The following SLC24A2 variants were observed in gnomAD, a reference collection of about 807,000 sequenced individuals.
SLC24A2 encodes sodium/potassium/calcium exchanger 2.
Under a neutral mutation model 62.0 loss-of-function variants are expected in SLC24A2, and 36 were observed. That is an observed-to-expected ratio of 0.58 (90% CI 0.44 to 0.77). The LOEUF (loss-of-function observed/expected upper bound fraction) is 0.77, where lower values mean the gene tolerates loss of function less well. SLC24A2 is among the 30% of genes least tolerant of loss of function. The pLI is 0.00. For synonymous variants in SLC24A2, 358 were observed against 294.0 expected (o/e 1.22, Z -2.23); for missense variants, 846 against 817.9 (o/e 1.03, Z -0.42).
At chr9:20,216,968 G>C in the SLC24A2 span, among the ~76,000 whole-genome samples, 1 of 152,068 alleles carries the variant, frequency 6.6e-6, no homozygotes, top group Non-Finnish European at 1.5e-5. Flanking sequence ...TGTCCCAAAA[G>C]ACTCTTAAAA....
chr9:20,241,360 T>C, the SLC24A2 span, among the ~76,000 whole-genome samples: 1 of 152,136 alleles, frequency 6.6e-6, no homozygotes, highest in Non-Finnish European at 1.5e-5. Context: ...TTGTTGAGGG[T>C]CCACTAGGGA....
intron 2 of SLC24A2, among the ~76,000 whole-genome samples, chr9:19,652,195 G>C (rs976588876): frequency 6.6e-6 from 1 of 152,158 alleles, no homozygotes; most frequent in Non-Finnish European, 1.5e-5. Flanking sequence ...TGGAGGTAGG[G>C]TACTTCCTCT....
At chr9:19,661,267 T>C (rs1819091808) in intron 2 of SLC24A2, among the ~76,000 whole-genome samples, 1 of 152,154 alleles carries the variant, frequency 6.6e-6, no homozygotes, top group African/African-American at 2.4e-5. Context: ...ATTCCCATAT[T>C]AACATATTTT....
chr9:19,515,287 C>T lies in SLC24A2; in HGVS notation c.*866G>A, dbSNP rs1832881267. On this transcript the variant is annotated 3_prime_UTR_variant, in exon 11 of 11. Coordinates refer to ENST00000341998, the MANE Select transcript of SLC24A2 (RefSeq NM_020344.4). ...AACCCTGGTTACCTCCCCACTTCCC[C>T]AAACCAAGCCACCCAGCCTGGGTTT... 6.6e-6 allele frequency: 1 copy of T among 152,162 alleles called. No individual in the cohort carries two copies. The highest frequency in any genetic ancestry group is 2.1e-4 in the South Asian group (1 of 4,818). The allele number at this position is 152,162 out of a possible 1,614,324, so 9.4% of individuals were successfully genotyped here.
At chr9:19,559,138 GTTAC>G (rs1259445981) in intron 7 of SLC24A2, among the ~76,000 whole-genome samples, 1 of 152,080 alleles carries the variant, frequency 6.6e-6, no homozygotes, top group Non-Finnish European at 1.5e-5. Flanking sequence ...TCAAACAAAT[GTTAC>G]TTAATTAAAG....
chr9:19,518,428 T>C (rs1177805109), intron 10 of SLC24A2, among the ~76,000 whole-genome samples: 9 of 149,574 alleles, frequency 6.0e-5, no homozygotes. Flanking sequence ...TTCTTTTCTT[T>C]TTTTTTTTTT....
chr9:20,253,048 G>A, the SLC24A2 span, among the ~76,000 whole-genome samples: 9 of 152,286 alleles, frequency 5.9e-5, no homozygotes, highest in Non-Finnish European at 1.0e-4. Context: ...TAGAAACAAG[G>A]CACCCACTTT....
the SLC24A2 span, among the ~76,000 whole-genome samples, chr9:19,849,198 G>C: frequency 6.6e-6 from 1 of 152,164 alleles, no homozygotes; most frequent in East Asian, 1.9e-4. Context: ...ATTAGATAAA[G>C]TCAGTGAATG....
chr9:20,108,394 C>T, the SLC24A2 span, among the ~76,000 whole-genome samples: 2 of 152,096 alleles, frequency 1.3e-5, no homozygotes, highest in Non-Finnish European at 2.9e-5. Flanking sequence ...AAGACACATG[C>T]ACACGTATGT....
intron 3 of SLC24A2, among the ~76,000 whole-genome samples, chr9:19,621,646 T>C (rs1306941586): frequency 6.6e-6 from 1 of 152,198 alleles, no homozygotes; most frequent in Non-Finnish European, 1.5e-5. Context: ...ATCTGAAATG[T>C]GATGTGTTAA....
the SLC24A2 span, among the ~76,000 whole-genome samples, chr9:20,033,461 T>G: frequency 7.1e-6 from 1 of 141,688 alleles, no homozygotes; most frequent in Non-Finnish European, 1.5e-5. Flanking sequence ...TCTTAAGAAA[T>G]GTTTGTGACT....
chr9:19,824,046 T>TA, the SLC24A2 span, among the ~76,000 whole-genome samples: 1 of 152,124 alleles, frequency 6.6e-6, no homozygotes, highest in Non-Finnish European at 1.5e-5. Context: ...GACTTAAATG[T>TA]AAAATCTAAA....
chr9:19,691,276 G>C (rs1401118487), intron 2 of SLC24A2, among the ~76,000 whole-genome samples: 1 of 152,192 alleles, frequency 6.6e-6, no homozygotes, highest in African/African-American at 2.4e-5. Context: ...ATTGAACAAT[G>C]CACAGTGTAG....
intron 7 of SLC24A2, among the ~76,000 whole-genome samples, chr9:19,563,696 C>G (rs2132813525): frequency 7.1e-6 from 1 of 141,826 alleles, no homozygotes; most frequent in Non-Finnish European, 1.5e-5. Context: ...CTCCCTCCCT[C>G]CCTTACTTCC....
At chr9:19,738,461 T>C (rs886227895) in intron 2 of SLC24A2, among the ~76,000 whole-genome samples, 2 of 152,118 alleles carry the variant, frequency 1.3e-5, no homozygotes, top group South Asian at 2.1e-4. Context: ...GGATTTGTGA[T>C]ATGTTGGTCT....
At chr9:19,751,166 T>C (rs1464109364) in intron 2 of SLC24A2, among the ~76,000 whole-genome samples, 1 of 152,140 alleles carries the variant, frequency 6.6e-6, no homozygotes, top group African/African-American at 2.4e-5. Context: ...CTGACGGTAA[T>C]AATTATAGCA....
chr9:19,906,879 C>A, the SLC24A2 span, among the ~76,000 whole-genome samples: 1 of 152,150 alleles, frequency 6.6e-6, no homozygotes, highest in Non-Finnish European at 1.5e-5. Flanking sequence ...GGATTCACAG[C>A]CGAATTCTAC....
At chr9:20,081,540 T>A in the SLC24A2 span, among the ~76,000 whole-genome samples, 1 of 150,290 alleles carries the variant, frequency 6.7e-6, no homozygotes, top group Admixed American at 6.6e-5. Flanking sequence ...AATGATGAGT[T>A]AATGGGTGCA....
chr9:20,073,891 C>CAT, the SLC24A2 span, among the ~76,000 whole-genome samples: 1 of 87,100 alleles, frequency 1.1e-5, no homozygotes. Flanking sequence ...TATATATATA[C>CAT]ACACATATAT....
Sources: gnomAD v4.1 joint callset for allele counts (sites outside exome capture counted in the v4.1 genomes callset) on GRCh38, gnomAD v4.1.1 for gene constraint, MANE v1.5 for transcripts, NCBI Gene and HGNC (gene_info 2026-07-23, HGNC 2026-07-21) for gene names.